Variants in ACSL5 observed in about 807,000 individuals in gnomAD.
The protein encoded by ACSL5 is acyl-CoA synthetase long chain family member 5.
Under a neutral mutation model 84.9 loss-of-function variants are expected in ACSL5, and 50 were observed. That is an observed-to-expected ratio of 0.59 (90% CI 0.47 to 0.75). The LOEUF (loss-of-function observed/expected upper bound fraction) is 0.75, where lower values mean the gene tolerates loss of function less well. Ranked by LOEUF, ACSL5 falls within the 30% of genes least tolerant of loss-of-function variation. ACSL5 has a pLI of 0.00. For synonymous variants in ACSL5, 280 were observed against 300.7 expected, an observed-to-expected ratio of 0.93 and a Z score of 0.71; for missense variants, 775 against 830.4, an observed-to-expected ratio of 0.93 and a Z score of 0.82.
intron 1 of ACSL5, among the ~76,000 whole-genome samples, chr10:112,379,384 G>T (rs969963353): frequency 3.5e-5 from 5 of 142,888 alleles, no homozygotes; most frequent in African/African-American, 1.3e-4. Context: ...CAGCCTGGGT[G>T]ACAAGAGTGA....
At chr10:112,414,649 C>T (rs1349669587) in intron 12 of ACSL5, among the ~76,000 whole-genome samples, 1 of 152,134 alleles carries the variant, frequency 6.6e-6, no homozygotes, top group Non-Finnish European at 1.5e-5. Flanking sequence ...GATCTTCTAA[C>T]TGCCCCATCG....
chr10:112,421,622 C>T lies in ACSL5; in HGVS notation c.1344C>T (p.Cys448=). The T allele has an allele frequency of 6.2e-7, 1 of 1,614,158 alleles. No individual in the cohort carries two copies. Among genetic ancestry groups the T allele is most frequent in the Non-Finnish European group, 8.5e-7 (1 of 1,180,002 alleles). Reference sequence around the variant, plus strand: ...ATGAAGCTTATGGTCAAACAGAATGCACAGGTGGCTGTACATTTACATTAC... The same window carrying T: ...ATGAAGCTTATGGTCAAACAGAATGTACAGGTGGCTGTACATTTACATTAC... ...QVYEAYGQTE[C]TGGCTFTLPG... Residue 448 remains cysteine (C), a synonymous_variant, in exon 15 of 21, where the codon TGC becomes TGT. Transcript: ENST00000354655.
chr10:112,411,643 C>G, intron 10 of ACSL5, 114 bp downstream of exon 10: 2 of 1,022,332 alleles, frequency 2.0e-6, no homozygotes, highest in Non-Finnish European at 3.0e-6. Context: ...CACACACACA[C>G]ACACGTTAAA....
At chr10:112,425,310 TA>T in intron 17 of ACSL5, 27 bp from the exon 18 acceptor site, 3 of 1,584,516 alleles carry the variant, frequency 1.9e-6, no homozygotes, top group Non-Finnish European at 2.6e-6. Context: ...GGCTCAAAAA[TA>T]CTGATACTTT....
Position 112,399,000 on chromosome 10 carries a change from G to T in ACSL5, c.256G>T (p.Ala86Ser). ...TMYEVFQRGL[A>S]VSDNGPCLGY... ...GTATGAGGTTTTCCAAAGAGGACTCGCTGTGTCTGGTAAGCCTGGTGGTCT... is the reference window on the plus strand; with the variant it reads ...GTATGAGGTTTTCCAAAGAGGACTCTCTGTGTCTGGTAAGCCTGGTGGTCT... Residue 86 changes from alanine (A) to serine (S), a missense_variant, in exon 3 of 21, where the codon GCT (alanine) becomes TCT (serine). Physicochemically the swap from Ala to Ser is moderately conservative, Grantham distance 99. Coordinates refer to ENST00000354655, the MANE Select transcript of ACSL5 (RefSeq NM_203379.2). The T allele has an allele frequency of 6.2e-7, 1 of 1,613,286 alleles. No individual in the cohort carries two copies. The highest frequency in any genetic ancestry group is 8.5e-7 in the Non-Finnish European group (1 of 1,179,328).
At chr10:112,423,360 T>C (rs1173486024) in intron 17 of ACSL5, among the ~76,000 whole-genome samples, 1 of 149,004 alleles carries the variant, frequency 6.7e-6, no homozygotes, top group African/African-American at 2.5e-5. Flanking sequence ...AGAAAGTCTT[T>C]CTTAAAAAAA....
At chr10:112,421,722 G>A (rs1436105943) in intron 15 of ACSL5, 57 bp downstream of exon 15, 2 of 1,531,738 alleles carry the variant, frequency 1.3e-6, no homozygotes, top group African/African-American at 2.7e-5. Context: ...GGTTCTAACT[G>A]AACTAGGACT....
rs924382618 is a variant in ACSL5, at chr10:112,417,826, CTT to C, written c.1219-17_1219-16del. 6.8e-6 allele frequency: 11 copies of C among 1,609,848 alleles called. No homozygotes were observed. In the African/African-American group the frequency reaches 1.3e-4, roughly 20 times the overall value. ...GCCAAGAGAATAGGTTTTAGTATGT[CTT>C]TTGTTTCCACTGAACAGGACAGCCT... On this transcript the variant is annotated intron_variant, in intron 13 of 20. Transcript: ENST00000354655.
At chr10:112,400,211 G>GT (rs1290407675) in intron 3 of ACSL5, among the ~76,000 whole-genome samples, 7 of 151,856 alleles carry the variant, frequency 4.6e-5, no homozygotes, top group Admixed American at 3.3e-4. Flanking sequence ...TTCCTTTGGG[G>GT]TTTTTTCCTT....
intron 17 of ACSL5, among the ~76,000 whole-genome samples, chr10:112,423,916 A>T (rs929734389): frequency 3.3e-5 from 5 of 152,202 alleles, no homozygotes; most frequent in Non-Finnish European, 7.3e-5. Flanking sequence ...GTTTGAGGCC[A>T]GGAGTTTGAG....
In ACSL5 at chr10:112,421,579, C is replaced by G. The variant is rs747758382; in HGVS notation, c.1315-14C>G. 2.5e-6 allele frequency: 4 copies of G among 1,613,278 alleles called. No homozygotes were observed. The highest frequency in any genetic ancestry group is 3.4e-6 in the Non-Finnish European group (4 of 1,179,192). On this transcript the variant is annotated splice_polypyrimidine_tract_variant and intron_variant, in intron 14 of 20. Transcript: ENST00000354655. ...ATCTTGAGTAAGTCTAAAAGCTCTT[C>G]TTTGGTTTCCCAGGTGTATGAAGCT...
In ACSL5 at chr10:112,409,483, C is replaced by T. The variant is rs766209027; in HGVS notation, c.533-24C>T. 1.9e-6 allele frequency: 3 copies of T among 1,610,572 alleles called. No individual in the cohort carries two copies. The East Asian group carries it at 6.7e-5, about 36-fold the overall frequency. ...GTACTTAGCAGAGAGAGGGAATGACCTCTGGTTCTATTTTGGCTTCCAGCT... is the reference window on the plus strand; with the variant it reads ...GTACTTAGCAGAGAGAGGGAATGACTTCTGGTTCTATTTTGGCTTCCAGCT... On this transcript the variant is annotated intron_variant, in intron 6 of 20. Transcript: ENST00000354655.
intron 14 of ACSL5, among the ~76,000 whole-genome samples, chr10:112,418,363 C>T (rs553088932): frequency 1.3e-5 from 2 of 152,156 alleles, no homozygotes; most frequent in East Asian, 1.9e-4. Flanking sequence ...GGGCGGATCA[C>T]GAGGTCAGGA....
chr10:112,392,281 G>T (rs1424395424), intron 1 of ACSL5, among the ~76,000 whole-genome samples: 1 of 151,410 alleles, frequency 6.6e-6, no homozygotes, highest in Non-Finnish European at 1.5e-5. Flanking sequence ...AAACCAGCCT[G>T]GGCAGCATGG....
chr10:112,413,238 CGACAT>C lies in ACSL5; in HGVS notation c.1017_1021del (p.Asp339GlufsTer16), dbSNP rs751462017. ...AAGGGGATATTCGGTTGCTGGCTGA[CGACAT>C]GAAGACTTTGAAGCCCACATTGTTT... On this transcript the variant is annotated frameshift_variant, in exon 12 of 21. Transcript: ENST00000354655. LOFTEE classifies it high-confidence loss of function. 2 of 1,614,152 alleles carry C rather than the reference CGACAT, an allele frequency of 1.2e-6. No individual in the cohort carries two copies. Among genetic ancestry groups the C allele is most frequent in the Admixed American group, 3.3e-5 (2 of 60,016 alleles).
rs1370295207 is a variant in ACSL5 at position 112,398,960 on chromosome 10, A to G, written c.216A>G (p.Ser72=). The G allele has an allele frequency of 6.2e-7, 1 of 1,614,022 alleles. No individual in the cohort carries two copies. Among genetic ancestry groups the G allele is most frequent in the African/African-American group, 1.3e-5 (1 of 74,930 alleles). Reference sequence around the variant, plus strand: ...ATGACCTAACAAGTTGCTGCTTCTCAGATGCCAAGACTATGTATGAGGTTT... The same window carrying G: ...ATGACCTAACAAGTTGCTGCTTCTCGGATGCCAAGACTATGTATGAGGTTT... ...KNNDLTSCCF[S]DAKTMYEVFQ... is the part of the protein sequence containing the mutation. The change falls in exon 3 of 21, where the codon TCA becomes TCG. Residue 72 remains serine (S), a synonymous_variant. Coordinates refer to ENST00000354655, the MANE Select transcript of ACSL5 (RefSeq NM_203379.2).
chr10:112,392,986 G>T (rs996711164), intron 1 of ACSL5, among the ~76,000 whole-genome samples: 1 of 152,102 alleles, frequency 6.6e-6, no homozygotes, highest in Non-Finnish European at 1.5e-5. Context: ...TGGCAGACTG[G>T]ATGGGAGAGC....
chr10:112,416,258 T>G (rs1844310696), intron 12 of ACSL5, among the ~76,000 whole-genome samples: 1 of 151,790 alleles, frequency 6.6e-6, no homozygotes, highest in Admixed American at 6.6e-5. Context: ...GATCACGAGG[T>G]CAGGAGATTG....
At chr10:112,421,311 A>G (rs1844458562) in intron 14 of ACSL5, among the ~76,000 whole-genome samples, 1 of 151,784 alleles carries the variant, frequency 6.6e-6, no homozygotes, top group Non-Finnish European at 1.5e-5. Context: ...GACACCTGCC[A>G]TCATGCCCAG....
Sources: gnomAD v4.1 joint callset for allele counts (sites outside exome capture counted in the v4.1 genomes callset) on GRCh38, gnomAD v4.1.1 for gene constraint, MANE v1.5 for transcripts, NCBI Gene and HGNC (gene_info 2026-07-23, HGNC 2026-07-21) for gene names.